SLC4A7: variants seen among roughly 807,000 people sequenced by gnomAD.
SLC4A7 encodes the protein solute carrier family 4 member 7.
SLC4A7 carries 51 observed loss-of-function variants against 137.6 expected under a neutral mutation model. The observed-to-expected ratio is 0.37, with a 90% CI of 0.30 to 0.47. The LOEUF is 0.47. Among genes scored for constraint, SLC4A7 ranks in the 20% least tolerant of loss-of-function variants. The probability of loss-of-function intolerance (pLI) is 1.00; values close to 1 mark genes in which losing one functional copy is unlikely to be tolerated. For missense variants in SLC4A7, 1,247 were observed against 1,525.4 expected, an observed-to-expected ratio of 0.82 and a Z score of 3.04; for synonymous variants, 542 against 518.6, an observed-to-expected ratio of 1.05 and a Z score of -0.61.
At chr3:27,434,673 TG>T (rs1265430598) in intron 5 of SLC4A7, among the ~76,000 whole-genome samples, 59 of 152,232 alleles carry the variant, frequency 3.9e-4, no homozygotes, top group African/African-American at 1.4e-3. Flanking sequence ...AATCAGGTTG[TG>T]AAAGGGATGT....
At chr3:27,412,385 G>C (rs1405929891) in intron 11 of SLC4A7, among the ~76,000 whole-genome samples, 1 of 152,122 alleles carries the variant, frequency 6.6e-6, no homozygotes, top group Non-Finnish European at 1.5e-5. Flanking sequence ...ACATACAAGA[G>C]GAAAGATGGT....
At chr3:27,466,514 C>T (rs1338605999) in intron 1 of SLC4A7, among the ~76,000 whole-genome samples, 1 of 151,614 alleles carries the variant, frequency 6.6e-6, no homozygotes, top group East Asian at 1.9e-4. Context: ...TGAGAAGATA[C>T]GTTTTAAATT....
chr3:27,445,995 G>A (rs1165336211), intron 3 of SLC4A7, among the ~76,000 whole-genome samples: 1 of 112,844 alleles, frequency 8.9e-6, no homozygotes, highest in Admixed American at 1.1e-4. Context: ...TATATATAGT[G>A]CCCTTGAAAT....
Position 27,395,075 on chromosome 3 carries a change from C to A in SLC4A7, c.2744G>T (p.Gly915Val). ...PERGWIISPL[G>V]DNPWWTLLIA... Reference sequence around the variant, plus strand: ...TAATAAGGTCCACCAAGGATTATCTCCCAGTGGGCTTATGATCCACCCTCT... The same window carrying A: ...TAATAAGGTCCACCAAGGATTATCTACCAGTGGGCTTATGATCCACCCTCT... Residue 915 changes from glycine (G) to valine (V), a missense_variant, in exon 19 of 26, where the codon GGA becomes GTA. Physicochemically the swap from Gly to Val is moderately radical, Grantham distance 109. Coordinates refer to ENST00000454389, the MANE Select transcript of SLC4A7 (RefSeq NM_001321103.2). The A allele has an allele frequency of 6.2e-7, 1 of 1,608,924 alleles. No individual in the cohort carries two copies.
chr3:27,383,284 C>A (rs1430751376), intron 23 of SLC4A7, 34 bp from the exon 24 acceptor site: 1 of 1,416,144 alleles, frequency 7.1e-7, no homozygotes, highest in Non-Finnish European at 9.9e-7. Flanking sequence ...GTTACTTTTC[C>A]CAGAATATTT....
intron 1 of SLC4A7, among the ~76,000 whole-genome samples, chr3:27,470,350 A>C (rs951916686): frequency 2.6e-5 from 4 of 152,046 alleles, no homozygotes; most frequent in African/African-American, 9.7e-5. Flanking sequence ...ATATACATGG[A>C]ACAAGTAAGC....
intron 7 of SLC4A7, among the ~76,000 whole-genome samples, chr3:27,427,508 T>C (rs1039244495): frequency 6.6e-6 from 1 of 152,048 alleles, no homozygotes; most frequent in Non-Finnish European, 1.5e-5. Context: ...CATATAATTA[T>C]CTTCTAAAAA....
chr3:27,423,175 T>C (rs1310775513), intron 8 of SLC4A7, among the ~76,000 whole-genome samples: 1 of 152,168 alleles, frequency 6.6e-6, no homozygotes, highest in Non-Finnish European at 1.5e-5. Flanking sequence ...ATGCAAACCA[T>C]TTAAACTCCT....
intron 3 of SLC4A7, among the ~76,000 whole-genome samples, chr3:27,439,185 T>TAAA (rs2150425245): frequency 6.6e-6 from 1 of 152,224 alleles, no homozygotes; most frequent in Admixed American, 6.5e-5. Flanking sequence ...ATTGTTTTCG[T>TAAA]AAAAGTCAGA....
chr3:27,448,917 G>A (rs542384144), intron 2 of SLC4A7, 120 bp from the exon 3 acceptor site: 5 of 588,504 alleles, frequency 8.5e-6, no homozygotes, highest in African/African-American at 1.9e-5. Flanking sequence ...AACAATGGTA[G>A]TCTCCAGTTA....
chr3:27,379,719 A>G (rs922921382), intron 24 of SLC4A7, among the ~76,000 whole-genome samples: 4 of 152,170 alleles, frequency 2.6e-5, no homozygotes, highest in African/African-American at 4.8e-5. Flanking sequence ...ACAAAAAAAA[A>G]TACAATCTCA....
chr3:27,420,849 T>C, intron 9 of SLC4A7, 62 bp from the exon 10 acceptor site: 2 of 1,120,494 alleles, frequency 1.8e-6, no homozygotes, highest in South Asian at 2.7e-5. Context: ...AGCTAGGCAA[T>C]CATAAAAAAG....
chr3:27,410,708 C>T (rs1213494103), intron 12 of SLC4A7, among the ~76,000 whole-genome samples: 2 of 152,186 alleles, frequency 1.3e-5, no homozygotes, highest in East Asian at 3.8e-4. Flanking sequence ...CAATGACTAA[C>T]CCTATCCCAG....
intron 1 of SLC4A7, chr3:27,456,973 C>G: frequency 1.0e-6 from 1 of 979,402 alleles, no homozygotes; most frequent in South Asian, 4.7e-5. Flanking sequence ...CAACTGAAAC[C>G]TTTCTGCAAT....
At chr3:27,430,991 CT>C (rs1470631777) in intron 7 of SLC4A7, among the ~76,000 whole-genome samples, 1 of 152,062 alleles carries the variant, frequency 6.6e-6, no homozygotes, top group African/African-American at 2.4e-5. Context: ...TCTTTGTAGT[CT>C]TTTTGTAACT....
At chr3:27,422,235 T>C (rs1410654493) in intron 8 of SLC4A7, among the ~76,000 whole-genome samples, 1 of 152,170 alleles carries the variant, frequency 6.6e-6, no homozygotes, top group Non-Finnish European at 1.5e-5. Flanking sequence ...CCCAGTCTTT[T>C]CATTAACTGG....
rs1268184697 is a variant in SLC4A7 at position 27,484,305 on chromosome 3, G to A, written c.-179C>T. 2.6e-6 allele frequency: 1 copy of A among 378,668 alleles called. No individual in the cohort carries two copies. The highest frequency in any genetic ancestry group is 4.2e-5 in the East Asian group (1 of 23,552). 23.5% of individuals were successfully genotyped at this position (378,668 alleles called of 1,614,324 possible). A position where few individuals can be genotyped will look rare whatever the true frequency, so the allele number is the denominator to read the frequency against. ...GGGCGCCGGGCGCGGGAGACGCGGG[G>A]CGTGCGTGTGCGCGCTGCGACTGCT... is the stretch of plus-strand genomic sequence containing the variant. On this transcript the variant is annotated 5_prime_UTR_variant, in exon 1 of 26. Transcript: ENST00000454389.
At chr3:27,472,188 T>C (rs1346514205) in intron 1 of SLC4A7, among the ~76,000 whole-genome samples, 1 of 152,252 alleles carries the variant, frequency 6.6e-6, no homozygotes, top group African/African-American at 2.4e-5. Flanking sequence ...TTAAGCCATT[T>C]ATTGCTAAAC....
At chr3:27,448,928 C>A in intron 2 of SLC4A7, 131 bp from the exon 3 acceptor site, 1 of 541,166 alleles carries the variant, frequency 1.8e-6, no homozygotes, top group Non-Finnish European at 3.0e-6. Context: ...TCTCCAGTTA[C>A]TTCTCTTATT....
Sources: allele counts gnomAD v4.1 joint callset (sites outside exome capture counted in the v4.1 genomes callset), GRCh38; gene constraint gnomAD v4.1.1; transcripts MANE v1.5; gene names NCBI Gene and HGNC (gene_info 2026-07-23, HGNC 2026-07-21).